The following DENND11 variants were observed in gnomAD, a reference collection of about 807,000 sequenced individuals.
DENND11 encodes DENN domain containing 11.
A neutral mutation model predicts 49.2 loss-of-function variants in DENND11; 34 were observed. That is an observed-to-expected ratio of 0.69 (90% confidence interval 0.53 to 0.92). The LOEUF is 0.92. Among genes scored for constraint, DENND11 ranks in the 40% least tolerant of loss-of-function variants. The pLI is 0.00. For missense variants in DENND11, 475 were observed against 581.6 expected (o/e 0.82, Z 1.88); for synonymous variants, 238 against 230.3 (o/e 1.03, Z -0.30).
chr7:141,658,479 G>C lies in DENND11; in HGVS notation c.*4177C>G, dbSNP rs1797733627. The C allele has an allele frequency of 6.6e-6, 1 of 152,234 alleles. No homozygotes were observed. Among genetic ancestry groups the C allele is most frequent in the Non-Finnish European group, 1.5e-5 (1 of 68,066 alleles). 9.4% of individuals were successfully genotyped at this position (152,234 alleles called of 1,614,324 possible). A position where few individuals can be genotyped will look rare whatever the true frequency, so the allele number is the denominator to read the frequency against. On this transcript the variant is annotated 3_prime_UTR_variant, in exon 9 of 9. Transcript: ENST00000536163. ...GTCTAACTACAAGGTACGGGGAGAAGACAGGAGGGCTGGCCATTTGGCAGA... is the reference window on the plus strand; with the variant it reads ...GTCTAACTACAAGGTACGGGGAGAACACAGGAGGGCTGGCCATTTGGCAGA...
intron 1 of DENND11, chr7:141,701,653 C>T: frequency 3.7e-6 from 1 of 267,976 alleles, no homozygotes; most frequent in Non-Finnish European, 6.9e-6. Flanking sequence ...GGAACAAAGC[C>T]CTCGGGGCCG....
rs1330865388 is a variant in DENND11 at position 141,658,168 on chromosome 7, A to G, written c.*4488T>C. On this transcript the variant is annotated 3_prime_UTR_variant, in exon 9 of 9. Coordinates refer to ENST00000536163, the MANE Select transcript of DENND11 (RefSeq NM_001080392.2). Reference sequence around the variant, plus strand: ...TTTTAAAATTTCCTTCCATTTCAGTATATGCATACTCAGTTCATCACATAG... The same window carrying G: ...TTTTAAAATTTCCTTCCATTTCAGTGTATGCATACTCAGTTCATCACATAG... 4.6e-5 allele frequency: 7 copies of G among 152,328 alleles called. No individual in the cohort carries two copies. Among genetic ancestry groups the G allele is most frequent in the African/African-American group, 1.7e-4 (7 of 41,566 alleles). 9.4% of individuals were successfully genotyped at this position (152,328 alleles called of 1,614,324 possible).
At chr7:141,683,078 T>C (rs1798173324) in intron 3 of DENND11, among the ~76,000 whole-genome samples, 1 of 151,872 alleles carries the variant, frequency 6.6e-6, no homozygotes, top group African/African-American at 2.4e-5. Context: ...ACATGCTGCA[T>C]GTTCAGCCAC....
intron 3 of DENND11, among the ~76,000 whole-genome samples, chr7:141,681,195 G>T (rs1193878111): frequency 2.0e-5 from 3 of 152,192 alleles, no homozygotes; most frequent in African/African-American, 7.2e-5. Flanking sequence ...TAGAATGCTG[G>T]TGTGTGTTGA....
At position 141,678,029 on chromosome 7, in the gene DENND11, C is replaced by T. The variant is rs188380999; in HGVS notation, c.528-3809G>A. Among the ~76,000 whole-genome samples, 219 of 151,566 alleles carry T rather than the reference C, an allele frequency of 1.4e-3. 2 individuals carry two copies. Among genetic ancestry groups the T allele is most frequent in the African/African-American group, 5.1e-3 (212 of 41,278 alleles). Reference sequence around the variant, plus strand: ...CCAGGCTGGAGTGCAGTGGTGCAATCTCAGCTCACCGCAACCTCCACCTCT... The same window carrying T: ...CCAGGCTGGAGTGCAGTGGTGCAATTTCAGCTCACCGCAACCTCCACCTCT... On this transcript the variant is annotated intron_variant, in intron 3 of 8. Coordinates refer to ENST00000536163, the MANE Select transcript of DENND11 (RefSeq NM_001080392.2).
In DENND11 at chr7:141,674,000, G is replaced by T. The variant is rs78267252; in HGVS notation, c.681+67C>A. ...ACATAAATTTTTTATTCATTAAAAA[G>T]TAATCAACAGCTACTATTCCCAGAT... is the stretch of plus-strand genomic sequence containing the variant. On this transcript the variant is annotated intron_variant, in intron 4 of 8. Transcript: ENST00000536163. The T allele has an allele frequency of 4.8e-3, 7,319 of 1,521,550 alleles. 223 individuals carry two copies. In the African/African-American group the frequency reaches 0.077, roughly 16 times the overall value. The allele number at this position is 1,521,550 out of a possible 1,614,324, so 94.3% of individuals were successfully genotyped here.
rs1248734425 is a variant in DENND11, at chr7:141,662,840, T to G, written c.1184A>C (p.Glu395Ala). The change falls in exon 9 of 9, where the codon GAA becomes GCA. Residue 395 changes from glutamate (E) to alanine (A), a missense_variant. Physicochemically the swap from Glu to Ala is moderately radical, Grantham distance 107 (BLOSUM62 -1). Transcript: ENST00000536163. ...AGTCTGAAATATCCGGTTGTTTTGT[T>G]CTAGGAAAAACCTGCATTTGGAAGA... ...EEDLFVLFFL[E>A]QNNRIFQTLL... The G allele has an allele frequency of 6.4e-7, 1 of 1,552,354 alleles. No individual in the cohort carries two copies. The highest frequency in any genetic ancestry group is 8.7e-7 in the Non-Finnish European group (1 of 1,149,094).
Position 141,660,840 on chromosome 7 carries a change from G to A in DENND11, c.*1816C>T, listed in dbSNP as rs1273008790. ...GGTGAGGCTTCAACCTCGAAACACA[G>A]ATTTTTTTTTCTTTTGTAAACATAC... is the stretch of plus-strand genomic sequence containing the variant. On this transcript the variant is annotated 3_prime_UTR_variant, in exon 9 of 9. Transcript: ENST00000536163. The A allele has an allele frequency of 3.3e-5, 5 of 152,588 alleles. No homozygotes were observed. Among genetic ancestry groups the A allele is most frequent in the African/African-American group, 4.8e-5 (2 of 41,422 alleles). 9.5% of individuals were successfully genotyped at this position (152,588 alleles called of 1,614,324 possible).
chr7:141,665,110 G>C, intron 6 of DENND11, 56 bp from the exon 7 acceptor site: 7 of 1,609,666 alleles, frequency 4.3e-6, no homozygotes, highest in Non-Finnish European at 5.9e-6. Context: ...TGGGAAACAA[G>C]GCGCCCAGGA....
chr7:141,674,818 G>A (rs1798040905), intron 3 of DENND11, among the ~76,000 whole-genome samples: 1 of 152,138 alleles, frequency 6.6e-6, no homozygotes, highest in Non-Finnish European at 1.5e-5. Flanking sequence ...CCACCAGCTC[G>A]GGTCACAGAG....
At chr7:141,681,493 A>C (rs1355856865) in intron 3 of DENND11, among the ~76,000 whole-genome samples, 2 of 152,162 alleles carry the variant, frequency 1.3e-5, no homozygotes, top group Non-Finnish European at 2.9e-5. Flanking sequence ...CTTATTTACA[A>C]AGATCAGATT....
rs1485303198 is a variant in DENND11, at chr7:141,686,588, A to C, written c.339T>G (p.Ser113Arg). The C allele has an allele frequency of 1.9e-6, 3 of 1,612,766 alleles. No individual in the cohort carries two copies. Among genetic ancestry groups the C allele is most frequent in the African/African-American group, 2.7e-5 (2 of 75,036 alleles). The change falls in exon 2 of 9, where the codon AGT (serine) becomes AGG (arginine). Residue 113 changes from serine to arginine, a missense_variant. Physicochemically the swap from Ser to Arg is moderately radical, Grantham distance 110 (BLOSUM62 -1). Coordinates refer to ENST00000536163, the MANE Select transcript of DENND11 (RefSeq NM_001080392.2). ...LEGVEFKSMA[S>R]GSHKIQSDFI... Reference sequence around the variant, plus strand: ...AATCAGATTGGATTTTATGGGACCCACTGGCCATAGACTTGAACTCAACAC... The same window carrying C: ...AATCAGATTGGATTTTATGGGACCCCCTGGCCATAGACTTGAACTCAACAC...
chr7:141,696,194 C>A (rs1798411362), intron 1 of DENND11, among the ~76,000 whole-genome samples: 1 of 152,180 alleles, frequency 6.6e-6, no homozygotes, highest in Non-Finnish European at 1.5e-5. Flanking sequence ...CCTCCCAGAG[C>A]TGGGGTTTTA....
At chr7:141,673,085 C>T (rs1340506274) in intron 4 of DENND11, among the ~76,000 whole-genome samples, 1 of 152,194 alleles carries the variant, frequency 6.6e-6, no homozygotes, top group Non-Finnish European at 1.5e-5. Context: ...TCCGTGTCCA[C>T]ATCTCTGCAA....
intron 3 of DENND11, among the ~76,000 whole-genome samples, chr7:141,678,258 C>T (rs979927198): frequency 2.6e-5 from 4 of 151,996 alleles, no homozygotes; most frequent in South Asian, 2.1e-4. Flanking sequence ...CCACTGCGCC[C>T]GGCCAATAAT....
intron 1 of DENND11, among the ~76,000 whole-genome samples, chr7:141,687,913 C>T (rs576186110): frequency 2.4e-4 from 36 of 152,086 alleles, no homozygotes; most frequent in African/African-American, 8.0e-4. Context: ...GGATTACAGG[C>T]GTGAGCCACC....
At chr7:141,688,818 T>C (rs1798283348) in intron 1 of DENND11, among the ~76,000 whole-genome samples, 1 of 152,206 alleles carries the variant, frequency 6.6e-6, no homozygotes, top group Admixed American at 6.5e-5. Flanking sequence ...AGGGTGATTC[T>C]GCTGATGCAT....
chr7:141,678,280 G>A (rs36090574), intron 3 of DENND11, among the ~76,000 whole-genome samples: 21,176 of 151,316 alleles, frequency 0.14, 1,862 homozygotes, highest in East Asian at 0.36. Flanking sequence ...CTTTTTAAAA[G>A]AAATAAAATA....
chr7:141,695,602 C>T (rs986365435), intron 1 of DENND11, among the ~76,000 whole-genome samples: 1 of 152,218 alleles, frequency 6.6e-6, no homozygotes, highest in Non-Finnish European at 1.5e-5. Flanking sequence ...CTACTTATCC[C>T]AGGCTCAGTC....
Sources: allele counts gnomAD v4.1 joint callset (sites outside exome capture counted in the v4.1 genomes callset), GRCh38; gene constraint gnomAD v4.1.1; transcripts MANE v1.5; gene names NCBI Gene and HGNC (gene_info 2026-07-23, HGNC 2026-07-21).